The following CRISP3 variants were observed in gnomAD, a reference collection of about 807,000 sequenced individuals.
CRISP3 encodes the protein cysteine rich secretory protein 3, also known as cysteine-rich secretory protein 3.
In CRISP3, 33 loss-of-function variants were observed where a neutral mutation model predicts 36.1. The ratio of observed to expected loss-of-function variants is 0.91; its 90% CI spans 0.69 to 1.22. CRISP3 has a LOEUF of 1.22. CRISP3 is among the 50% of genes most tolerant of loss of function. The probability of loss-of-function intolerance (pLI) is 0.00; values close to 1 mark genes in which losing one functional copy is unlikely to be tolerated. For synonymous variants in CRISP3, 117 were observed against 104.6 expected (o/e 1.12, Z -0.72); for missense variants, 330 against 301.2 (o/e 1.10, Z -0.71).
rs1385750401 is a variant in CRISP3, at chr6:49,743,981, C to A, written c.37+350G>T. Among the ~76,000 whole-genome samples the A allele has an allele frequency of 2.0e-5, 3 of 152,052 alleles. No individual in the cohort carries two copies. In the East Asian group the frequency reaches 5.8e-4, roughly 29 times the overall value. ...TTACTGATGTGAAAGTATGCACACACATATATTCATAGTTTTTCATTTTTC... is the reference window on the plus strand; with the variant it reads ...TTACTGATGTGAAAGTATGCACACAAATATATTCATAGTTTTTCATTTTTC... On this transcript the variant is annotated intron_variant, in intron 1 of 7. Coordinates refer to ENST00000263045, the MANE Select transcript of CRISP3 (RefSeq NM_006061.4).
At chr6:49,742,878 C>T (rs542614078) in intron 1 of CRISP3, among the ~76,000 whole-genome samples, 14 of 152,126 alleles carry the variant, frequency 9.2e-5, no homozygotes, top group South Asian at 4.1e-4. Context: ...TAAAGGATTA[C>T]GTGGATTAGA....
In CRISP3 at chr6:49,733,729, T is replaced by C; in HGVS notation, c.436A>G (p.Asn146Asp). Residue 146 changes from asparagine (N) to aspartate (D), a missense_variant, in exon 5 of 8, where the codon AAC becomes GAC. Physicochemically the swap from Asn to Asp is conservative, Grantham distance 23. Coordinates refer to ENST00000263045, the MANE Select transcript of CRISP3 (RefSeq NM_006061.4). ...TGTGTATAATGTCCAACCACTGCGTTGGGAGTCTTTGGCCCTACACCAAAG... is the reference window on the plus strand; with the variant it reads ...TGTGTATAATGTCCAACCACTGCGTCGGGAGTCTTTGGCCCTACACCAAAG... Reference protein sequence around the residue: ...FDFGVGPKTPNAVVGHYTQVV... With the variant: ...FDFGVGPKTPDAVVGHYTQVV... 1 of 1,613,584 alleles carries C rather than the reference T, an allele frequency of 6.2e-7. No homozygotes were observed. The highest frequency in any genetic ancestry group is 8.5e-7 in the Non-Finnish European group (1 of 1,179,592).
intron 3 of CRISP3, 90 bp downstream of exon 3, chr6:49,736,301 C>T: frequency 1.2e-6 from 1 of 817,518 alleles, no homozygotes; most frequent in Non-Finnish European, 2.0e-6. Context: ...ACTTTGTAAA[C>T]TTCAAAGTTA....
chr6:49,737,431 G>A (rs1162504152), intron 1 of CRISP3, 33 bp from the exon 2 acceptor site: 1 of 1,612,242 alleles, frequency 6.2e-7, no homozygotes, highest in Non-Finnish European at 8.5e-7. Flanking sequence ...ACAGGGATCT[G>A]CATTAAAATG....
At chr6:49,730,423 T>C (rs772297561) in intron 7 of CRISP3, among the ~76,000 whole-genome samples, 1 of 152,078 alleles carries the variant, frequency 6.6e-6, no homozygotes, top group Non-Finnish European at 1.5e-5. Context: ...AATGAGGAAG[T>C]TAGTATGATA....
At chr6:49,731,887 G>A (rs937570105) in intron 6 of CRISP3, among the ~76,000 whole-genome samples, 5 of 151,918 alleles carry the variant, frequency 3.3e-5, no homozygotes, top group Non-Finnish European at 5.9e-5. Flanking sequence ...TGCCAAGAAT[G>A]GGAATGTTAG....
intron 1 of CRISP3, among the ~76,000 whole-genome samples, chr6:49,739,695 G>A (rs537193329): frequency 6.6e-6 from 1 of 152,166 alleles, no homozygotes; most frequent in South Asian, 2.1e-4. Context: ...TAAATAGCAG[G>A]TGCAAGTGGA....
intron 1 of CRISP3, among the ~76,000 whole-genome samples, chr6:49,743,682 G>A (rs1364222450): frequency 1.3e-5 from 2 of 152,070 alleles, no homozygotes; most frequent in African/African-American, 2.4e-5. Flanking sequence ...TGTGGAAATT[G>A]CTTCCTTAGA....
Position 49,735,553 on chromosome 6 carries a change from C to T in CRISP3, c.267G>A (p.Trp89Ter). 1.9e-6 allele frequency: 3 copies of T among 1,612,288 alleles called. No homozygotes were observed. Among genetic ancestry groups the T allele is most frequent in the South Asian group, 2.2e-5 (2 of 90,932 alleles). Residue 89 changes from tryptophan (W) to a stop codon, truncating the protein, a stop_gained, in exon 4 of 8, where the codon TGG (tryptophan) becomes TGA (stop). Coordinates refer to ENST00000263045, the MANE Select transcript of CRISP3 (RefSeq NM_006061.4). LOFTEE classifies it high-confidence loss of function. Reference sequence around the variant, plus strand: ...TGTGTCTGTAATTGCACTGGTTTGCCCACTTTTGGGCATTTGCTGCAGCCT... The same window carrying T: ...TGTGTCTGTAATTGCACTGGTTTGCTCACTTTTGGGCATTTGCTGCAGCCT... ...NKEAAANAQK[W>*]ANQCNYRHSN... is the part of the protein sequence containing the mutation.
rs76142232 is a variant in CRISP3 at position 49,738,906 on chromosome 6, T to C, written c.38-1508A>G. Among the ~76,000 whole-genome samples, 20 of 151,988 alleles carry C rather than the reference T, an allele frequency of 1.3e-4. No individual in the cohort carries two copies. In the East Asian group the frequency reaches 3.7e-3, roughly 28 times the overall value. On this transcript the variant is annotated intron_variant, in intron 1 of 7. Coordinates refer to ENST00000263045, the MANE Select transcript of CRISP3 (RefSeq NM_006061.4). ...ATCACTTTTTCAAAGATATTTCCAA[T>C]GGAAGAACAAGAAAATGGGAGCAGG...
Position 49,731,217 on chromosome 6 carries a change from C to T in CRISP3, c.595G>A (p.Glu199Lys). ...CAACTGGCACAAGGTGCTCCTTGTT[C>T]ATAAGGGACATATAGTCTATTAGCC... The part of the protein sequence containing the change: ...NWANRLYVPY[E>K]QGAPCASCPD... The change falls in exon 7 of 8, where the codon GAA (glutamate) becomes AAA (lysine). Residue 199 changes from glutamate (E) to lysine (K), a missense_variant. By Grantham distance (56) the Glu-to-Lys change is moderately conservative. Transcript: ENST00000263045. 6.2e-7 allele frequency: 1 copy of T among 1,610,872 alleles called. No individual in the cohort carries two copies. The highest frequency in any genetic ancestry group is 8.5e-7 in the Non-Finnish European group (1 of 1,178,344).
At chr6:49,743,647 A>G (rs529722859) in intron 1 of CRISP3, among the ~76,000 whole-genome samples, 1 of 152,278 alleles carries the variant, frequency 6.6e-6, no homozygotes, top group East Asian at 1.9e-4. Context: ...ATCACTTCTA[A>G]TATGCTACGG....
chr6:49,739,571 T>A (rs1050724373), intron 1 of CRISP3, among the ~76,000 whole-genome samples: 1 of 152,130 alleles, frequency 6.6e-6, no homozygotes, highest in Non-Finnish European at 1.5e-5. Context: ...AGTAAACAAC[T>A]TGAATGAGAT....
Position 49,733,746 on chromosome 6 carries a change from A to T in CRISP3, c.419T>A (p.Val140Glu). 6.2e-7 allele frequency: 1 copy of T among 1,613,722 alleles called. No individual in the cohort carries two copies. The highest frequency in any genetic ancestry group is 8.5e-7 in the Non-Finnish European group (1 of 1,179,694). The change falls in exon 5 of 8, where the codon GTA becomes GAA. Residue 140 changes from valine to glutamate, a missense_variant. Coordinates refer to ENST00000263045, the MANE Select transcript of CRISP3 (RefSeq NM_006061.4). ...CACTGCGTTGGGAGTCTTTGGCCCT[A>T]CACCAAAGTCAAAATCATTGTACTC... Reference protein sequence around the residue: ...FDEYNDFDFGVGPKTPNAVVG... With the variant: ...FDEYNDFDFGEGPKTPNAVVG...
chr6:49,743,909 T>C (rs1199376548), intron 1 of CRISP3, among the ~76,000 whole-genome samples: 1 of 152,096 alleles, frequency 6.6e-6, no homozygotes, highest in African/African-American at 2.4e-5. Flanking sequence ...ATTTAAAACT[T>C]TTGCTATGGC....
intron 1 of CRISP3, among the ~76,000 whole-genome samples, chr6:49,743,992 A>C (rs941464615): frequency 1.3e-5 from 2 of 152,128 alleles, no homozygotes; most frequent in Non-Finnish European, 2.9e-5. Flanking sequence ...ATATATTCAT[A>C]GTTTTTCATT....
chr6:49,731,680 T>C (rs1450339923), intron 6 of CRISP3, among the ~76,000 whole-genome samples: 4 of 137,578 alleles, frequency 2.9e-5, no homozygotes, highest in Non-Finnish European at 6.2e-5. Context: ...TAATGTTAAA[T>C]GTAACTTATA....
chr6:49,744,331 C>A lies in CRISP3; in HGVS notation c.37G>T (p.Ala13Ser). Residue 13 changes from alanine (A) to serine (S), a missense_variant and splice_region_variant, in exon 1 of 8, where the codon GCA becomes TCA. By Grantham distance (99) the Ala-to-Ser change is moderately conservative. Transcript: ENST00000263045. ...QILHPALETT[A>S]MTLFPVLLFL... ...TTGAAATAAAGGAGTTATCACTTAC[C>A]AGTGGTTTCCAGAGCAGGATGAAGT... 1.3e-6 allele frequency: 2 copies of A among 1,528,134 alleles called. No homozygotes were observed. The highest frequency in any genetic ancestry group is 1.8e-6 in the Non-Finnish European group (2 of 1,141,092). 94.7% of individuals were successfully genotyped at this position (1,528,134 alleles called of 1,614,324 possible).
intron 1 of CRISP3, among the ~76,000 whole-genome samples, chr6:49,738,357 A>G (rs1310969840): frequency 6.6e-6 from 1 of 152,218 alleles, no homozygotes; most frequent in Non-Finnish European, 1.5e-5. Context: ...ATGGCAGTAT[A>G]TTAGACATAA....
Sources: gnomAD v4.1 joint callset for allele counts (sites outside exome capture counted in the v4.1 genomes callset) on GRCh38, gnomAD v4.1.1 for gene constraint, MANE v1.5 for transcripts, NCBI Gene and HGNC (gene_info 2026-07-23, HGNC 2026-07-21) for gene names.